The following NDUFB2 variants were observed in gnomAD, a reference collection of about 807,000 sequenced individuals.
NDUFB2 encodes the protein NADH dehydrogenase [ubiquinone] 1 beta subcomplex subunit 2, mitochondrial.
A neutral mutation model predicts 13.4 loss-of-function variants in NDUFB2; 13 were observed. That is an observed-to-expected ratio of 0.97 (90% CI 0.63 to 1.54). The LOEUF (loss-of-function observed/expected upper bound fraction) is 1.54, where lower values mean the gene tolerates loss of function less well. NDUFB2 is among the 40% of genes most tolerant of loss of function. The pLI, the probability that NDUFB2 is intolerant of heterozygous loss-of-function variation, is 0.00. For missense variants in NDUFB2, 150 were observed against 139.7 expected, an observed-to-expected ratio of 1.07 and a Z score of -0.37; for synonymous variants, 47 against 50.6, an observed-to-expected ratio of 0.93 and a Z score of 0.30.
At chr7:140,702,326 C>T (rs935431559) in intron 1 of NDUFB2, among the ~76,000 whole-genome samples, 1 of 152,104 alleles carries the variant, frequency 6.6e-6, no homozygotes, top group African/African-American at 2.4e-5. Flanking sequence ...TGTCAAGTGT[C>T]TGAATGAAAA....
chr7:140,703,977 G>A (rs970672845), intron 2 of NDUFB2, among the ~76,000 whole-genome samples: 2 of 151,454 alleles, frequency 1.3e-5, no homozygotes, highest in South Asian at 2.1e-4. Flanking sequence ...GGATGGTCTC[G>A]ATCTCCTGAC....
intron 1 of NDUFB2, chr7:140,700,142 A>C (rs550837859): frequency 1.3e-5 from 2 of 151,712 alleles, no homozygotes; most frequent in East Asian, 3.9e-4. Context: ...TGTTTTTTTG[A>C]TACAGAATTT....
At chr7:140,703,435 G>A (rs1237738119) in intron 2 of NDUFB2, among the ~76,000 whole-genome samples, 6 of 151,744 alleles carry the variant, frequency 4.0e-5, no homozygotes, top group Middle Eastern at 3.4e-3. Flanking sequence ...CCCCCACGCC[G>A]GCTAATTTTT....
intron 1 of NDUFB2, chr7:140,698,275 G>C (rs567229440): frequency 7.4e-7 from 1 of 1,351,094 alleles, no homozygotes; most frequent in South Asian, 1.1e-5. Context: ...TGAGGTGCTG[G>C]CTTGTTCGTA....
At chr7:140,700,488 CAAAG>C (rs1286940820) in intron 1 of NDUFB2, among the ~76,000 whole-genome samples, 1 of 151,480 alleles carries the variant, frequency 6.6e-6, no homozygotes, top group Non-Finnish European at 1.5e-5. Context: ...AAAAAGCTAT[CAAAG>C]AAGAAGGCTC....
intron 1 of NDUFB2, chr7:140,700,663 C>G (rs1794884928): frequency 6.6e-6 from 1 of 151,928 alleles, no homozygotes. Flanking sequence ...GTGGCACATG[C>G]CTGTAATCCC....
rs1444930935 is a variant in NDUFB2, at chr7:140,696,716, T to TGGGGACCGCGGGGCGGAC, written c.-25_-8dup. The TGGGGACCGCGGGGCGGAC allele has an allele frequency of 1.3e-6, 2 of 1,558,570 alleles. No individual in the cohort carries two copies. The highest frequency in any genetic ancestry group is 2.7e-5 in the African/African-American group (2 of 73,352). ...GCGAAGTAGGCAGGGGCGAGGCGGC[T>TGGGGACCGCGGGGCGGAC]GGGGACCGCGGGGCGGACGGGAGCG... On this transcript the variant is annotated 5_prime_UTR_variant, in exon 1 of 4. Transcript: ENST00000247866.
rs1444245079 is a variant in NDUFB2, at chr7:140,702,964, G to C, written c.197G>C (p.Trp66Ser). ...FQSEFFSGLM[W>S]FWILWRFWHD... The stretch of plus-strand genomic sequence containing the variant: ...AGCGAGTTCTTCAGCGGACTCATGT[G>C]GTTCTGGATTCTCTGGCGCTTTTGG... Residue 66 changes from tryptophan (W) to serine (S), a missense_variant, in exon 2 of 4, where the codon TGG becomes TCG. Transcript: ENST00000247866. The C allele has an allele frequency of 6.2e-7, 1 of 1,614,098 alleles. No homozygotes were observed. Among genetic ancestry groups the C allele is most frequent in the Admixed American group, 1.7e-5 (1 of 60,012 alleles).
intron 1 of NDUFB2, chr7:140,697,254 C>G (rs948971524): frequency 1.3e-5 from 9 of 697,006 alleles, no homozygotes; most frequent in Middle Eastern, 2.3e-4. Context: ...TCCAGGGTCC[C>G]GGTGCCTGGC....
chr7:140,703,037 G>A (rs1012622928), intron 2 of NDUFB2, 27 bp downstream of exon 2: 5 of 1,595,910 alleles, frequency 3.1e-6, no homozygotes, highest in East Asian at 2.3e-5. Flanking sequence ...AGCACTTGTC[G>A]TTTTTTGGGT....
Position 140,702,894 on chromosome 7 carries a change from C to G in NDUFB2, c.127C>G (p.Arg43Gly). 1 of 1,614,074 alleles carries G rather than the reference C, an allele frequency of 6.2e-7. No homozygotes were observed. Among genetic ancestry groups the G allele is most frequent in the Non-Finnish European group, 8.5e-7 (1 of 1,180,024 alleles). The change falls in exon 2 of 4, where the codon CGG becomes GGG. Residue 43 changes from arginine to glycine, a missense_variant. Physicochemically the swap from Arg to Gly is moderately radical, Grantham distance 125. Transcript: ENST00000247866. ...CGGTGGTGGTGTGCACATTGAGCCC[C>G]GGTATAGACAGTTCCCCCAGCTGAC... ...HAGGGVHIEP[R>G]YRQFPQLTRS...
intron 1 of NDUFB2, among the ~76,000 whole-genome samples, chr7:140,699,645 C>T (rs897989403): frequency 6.6e-6 from 1 of 152,046 alleles, no homozygotes; most frequent in African/African-American, 2.4e-5. Flanking sequence ...GTCTCTTTCC[C>T]CACACCTCAT....
At chr7:140,701,972 A>G (rs1043830228) in intron 1 of NDUFB2, 35 of 687,002 alleles carry the variant, frequency 5.1e-5, no homozygotes, top group South Asian at 4.6e-4. Context: ...CCTAGCTAAC[A>G]TGTATCAAGA....
chr7:140,703,959 G>A (rs1794932206), intron 2 of NDUFB2, among the ~76,000 whole-genome samples: 1 of 151,880 alleles, frequency 6.6e-6, no homozygotes, highest in Admixed American at 6.6e-5. Flanking sequence ...GTTTCACCGT[G>A]TTAGCCAGGA....
intron 1 of NDUFB2, chr7:140,700,791 A>T (rs1022757933): frequency 6.6e-6 from 1 of 151,918 alleles, no homozygotes; most frequent in African/African-American, 2.4e-5. Flanking sequence ...CCGTCTCAAA[A>T]AAAAAAAAAA....
intron 1 of NDUFB2, among the ~76,000 whole-genome samples, chr7:140,701,596 C>T (rs193076384): frequency 1.3e-5 from 2 of 151,772 alleles, no homozygotes; most frequent in South Asian, 2.1e-4. Flanking sequence ...GCTAAGGTCA[C>T]GCCACTGCAC....
At chr7:140,704,615 C>T (rs1007088881) in intron 2 of NDUFB2, among the ~76,000 whole-genome samples, 4 of 152,158 alleles carry the variant, frequency 2.6e-5, no homozygotes, top group Admixed American at 1.3e-4. Flanking sequence ...ATCACAGACA[C>T]GTACCATTGG....
chr7:140,705,996 A>G (rs1794962380), intron 3 of NDUFB2: 3 of 147,760 alleles, frequency 2.0e-5, no homozygotes, highest in South Asian at 2.1e-4. Flanking sequence ...ACATGCTTTT[A>G]TTTTATATTT....
chr7:140,703,019 A>G lies in NDUFB2; in HGVS notation c.243+9A>G. 1 of 1,612,620 alleles carries G rather than the reference A, an allele frequency of 6.2e-7. No homozygotes were observed. Among genetic ancestry groups the G allele is most frequent in the Non-Finnish European group, 8.5e-7 (1 of 1,178,910 alleles). ...ACTCAGAAGAGGTGCTGGTAAGTGC[A>G]GGAGAAGAGCACTTGTCGTTTTTTG... On this transcript the variant is annotated intron_variant, in intron 2 of 3. Transcript: ENST00000247866.
Sources: gnomAD v4.1 joint callset for allele counts (sites outside exome capture counted in the v4.1 genomes callset) on GRCh38, gnomAD v4.1.1 for gene constraint, MANE v1.5 for transcripts, NCBI Gene and HGNC (gene_info 2026-07-23, HGNC 2026-07-21) for gene names.